DENND2B: variants seen among roughly 807,000 people sequenced by gnomAD.
DENND2B encodes DENN domain-containing protein 2B.
In DENND2B, 32 loss-of-function variants were observed where a neutral mutation model predicts 116.0. The ratio of observed to expected loss-of-function variants is 0.28; its 90% confidence interval spans 0.21 to 0.37. The LOEUF is 0.37. Among genes scored for constraint, DENND2B ranks in the 10% least tolerant of loss-of-function variants. DENND2B has a pLI of 1.00. For synonymous variants in DENND2B, 588 were observed against 583.9 expected (o/e 1.01, Z -0.10); for missense variants, 1,276 against 1,477.7 (o/e 0.86, Z 2.24).
At position 8,754,596 on chromosome 11, in the gene DENND2B, A is replaced by G. The variant is rs77011694; in HGVS notation, c.-25-3871T>C. 5.6e-4 allele frequency among the ~76,000 whole-genome samples: 86 copies of G among 152,380 alleles called. No individual in the cohort carries two copies. In the East Asian group the frequency reaches 0.016, roughly 28 times the overall value. Reference sequence around the variant, plus strand: ...GTATCTGTTCAGAAGAAATGAAAATATATGTCCACACAATCACTTGTACAT... The same window carrying G: ...GTATCTGTTCAGAAGAAATGAAAATGTATGTCCACACAATCACTTGTACAT... On this transcript the variant is annotated intron_variant, in intron 1 of 19. Coordinates refer to ENST00000313726, the MANE Select transcript of DENND2B (RefSeq NM_213618.2).
At chr11:8,853,846 TA>T (rs1400606652) in intron 3 of DENND2B, among the ~76,000 whole-genome samples, 1 of 151,816 alleles carries the variant, frequency 6.6e-6, no homozygotes, top group Non-Finnish European at 1.5e-5. Flanking sequence ...GCAAACACTA[TA>T]TTTTTAATTT....
intron 2 of DENND2B, among the ~76,000 whole-genome samples, chr11:8,868,323 G>A (rs962312196): frequency 1.3e-5 from 2 of 152,222 alleles, no homozygotes; most frequent in Non-Finnish European, 2.9e-5. Flanking sequence ...CCTGTACATA[G>A]ATGTCACCTT....
intron 2 of DENND2B, among the ~76,000 whole-genome samples, chr11:8,734,564 G>A (rs1453623311): frequency 6.6e-6 from 1 of 152,090 alleles, no homozygotes. Context: ...GAGACAGATG[G>A]ATGACCTGAG....
At chr11:8,874,201 G>T (rs935668659), upstream of DENND2B, among the ~76,000 whole-genome samples, 1 of 152,162 alleles carries the variant, frequency 6.6e-6, no homozygotes, top group African/African-American at 2.4e-5. Flanking sequence ...TCAGTCTAAT[G>T]AAAGTTTCCT....
chr11:8,807,462 C>T (rs886343076), intron 1 of DENND2B, among the ~76,000 whole-genome samples: 4 of 152,190 alleles, frequency 2.6e-5, no homozygotes, highest in African/African-American at 9.6e-5. Flanking sequence ...AATCTGTACA[C>T]CCCGCCCTTC....
At chr11:8,711,878 A>T (rs1258195303) in intron 9 of DENND2B, 4 of 387,356 alleles carry the variant, frequency 1.0e-5, no homozygotes, top group African/African-American at 2.1e-5. Flanking sequence ...GAATAAAAAA[A>T]TAAAATAATA....
chr11:8,837,156 A>C (rs2062462213), intron 4 of DENND2B, among the ~76,000 whole-genome samples: 1 of 150,390 alleles, frequency 6.6e-6, no homozygotes, highest in Non-Finnish European at 1.5e-5. Context: ...AAAAAGTCTA[A>C]ACTATGCAAG....
intron 1 of DENND2B, among the ~76,000 whole-genome samples, chr11:8,899,876 G>T (rs934641827): frequency 6.6e-6 from 1 of 152,150 alleles, no homozygotes; most frequent in African/African-American, 2.4e-5. Flanking sequence ...AGCAATAATT[G>T]TAACACTGTC....
chr11:8,854,255 G>A (rs2063118394), intron 3 of DENND2B, among the ~76,000 whole-genome samples: 1 of 151,888 alleles, frequency 6.6e-6, no homozygotes, highest in Non-Finnish European at 1.5e-5. Context: ...AGGCTAGAGT[G>A]CAACAGCACA....
Position 8,789,906 on chromosome 11 carries a change from C to T in DENND2B, c.-26+20611G>A, listed in dbSNP as rs554217163. ...TATCCAAGAAGACCCCGAGCAACAA[C>T]CCCAGAACCAGGCAAGTATTGTGGT... On this transcript the variant is annotated intron_variant, in intron 1 of 19. Coordinates refer to ENST00000313726, the MANE Select transcript of DENND2B (RefSeq NM_213618.2). 6.6e-5 allele frequency among the ~76,000 whole-genome samples: 10 copies of T among 152,296 alleles called. No individual in the cohort carries two copies. In the South Asian group the frequency reaches 1.7e-3, roughly 25 times the overall value.
intron 2 of DENND2B, among the ~76,000 whole-genome samples, chr11:8,863,422 A>G (rs2063474338): frequency 6.6e-6 from 1 of 151,368 alleles, no homozygotes; most frequent in Admixed American, 6.6e-5. Context: ...TTTAGTAGAG[A>G]AGGGGTTTCA....
chr11:8,901,738 G>A (rs750097182), intron 1 of DENND2B, among the ~76,000 whole-genome samples: 2 of 152,062 alleles, frequency 1.3e-5, no homozygotes, highest in Non-Finnish European at 2.9e-5. Flanking sequence ...ATTTACCTAT[G>A]CGTTGTTTAA....
At chr11:8,838,516 A>G (rs908525761) in intron 4 of DENND2B, among the ~76,000 whole-genome samples, 3 of 152,224 alleles carry the variant, frequency 2.0e-5, no homozygotes, top group African/African-American at 4.8e-5. Flanking sequence ...AAAACAACAC[A>G]GCCAGAATGT....
chr11:8,833,639 G>A lies in DENND2B; in HGVS notation c.-115+5671C>T, dbSNP rs79687170. Among the ~76,000 whole-genome samples, 900 of 152,216 alleles carry A rather than the reference G, an allele frequency of 5.9e-3. 48 individuals carry two copies. The East Asian group carries it at 0.096, about 16-fold the overall frequency. On this transcript the variant is annotated intron_variant, in intron 4 of 6. Coordinates refer to the DENND2B transcript ENST00000524757. ...CTATGGGGATAACAGGAGGCACAGA[G>A]TTAAATATGGTTTTTCCCAAGCAAA...
upstream of DENND2B, among the ~76,000 whole-genome samples, chr11:8,874,103 T>C (rs1313077993): frequency 6.6e-6 from 1 of 152,244 alleles, no homozygotes; most frequent in African/African-American, 2.4e-5. Flanking sequence ...ATCCTGGCTC[T>C]AATTTGGATA....
chr11:8,810,806 G>GTCTCTCTCTCTGTCTCTCTCTCTCTC (rs2061330520), upstream of DENND2B: 2 of 140,236 alleles, frequency 1.4e-5, no homozygotes, highest in African/African-American at 5.5e-5. Flanking sequence ...CTTTCTCACT[G>GTCTCTCTCTCTGTCTCTCTCTCTCTC]TCTCTCTCTC....
intron 3 of DENND2B, among the ~76,000 whole-genome samples, chr11:8,851,291 CATAA>C (rs1240155593): frequency 6.6e-6 from 1 of 151,292 alleles, no homozygotes; most frequent in African/African-American, 2.4e-5. Flanking sequence ...CATTGTACAT[CATAA>C]ATATATACAA....
At chr11:8,890,083 G>T (rs1437120940) in intron 1 of DENND2B, among the ~76,000 whole-genome samples, 1 of 152,192 alleles carries the variant, frequency 6.6e-6, no homozygotes, top group Non-Finnish European at 1.5e-5. Context: ...TTGCTGTTCA[G>T]CAATATTCAC....
intron 11 of DENND2B, 84 bp downstream of exon 11, chr11:8,710,761 A>ACG (rs2043487588): frequency 1.5e-6 from 1 of 661,370 alleles, no homozygotes; most frequent in Admixed American, 3.2e-5. Context: ...GGGCACACAC[A>ACG]CACACACACA....
Sources: gnomAD v4.1 joint callset for allele counts (sites outside exome capture counted in the v4.1 genomes callset) on GRCh38, gnomAD v4.1.1 for gene constraint, MANE v1.5 for transcripts, NCBI Gene and HGNC (gene_info 2026-07-23, HGNC 2026-07-21) for gene names.